RAI1: variants seen among roughly 807,000 people sequenced by gnomAD.
The protein encoded by RAI1 is retinoic acid induced 1.
RAI1 carries 9 observed loss-of-function variants against 123.8 expected under a neutral mutation model. The observed-to-expected ratio is 0.07, with a 90% CI of 0.04 to 0.13. The LOEUF is 0.13. Among genes scored for constraint, RAI1 ranks in the 10% least tolerant of loss-of-function variants. The pLI is 1.00. For synonymous variants in RAI1, 1,231 were observed against 1,127.3 expected, an observed-to-expected ratio of 1.09 and a Z score of -1.84; for missense variants, 2,256 against 2,545.8, an observed-to-expected ratio of 0.89 and a Z score of 2.45.
chr17:17,684,361 T>A (rs1914548653), intron 1 of RAI1: 1 of 152,166 alleles, frequency 6.6e-6, no homozygotes, highest in African/African-American at 2.4e-5. Flanking sequence ...GTATTTGTTT[T>A]TTTTTTAATT....
chr17:17,804,136 A>G (rs1414185990), intron 4 of RAI1: 3 of 481,518 alleles, frequency 6.2e-6, no homozygotes, highest in African/African-American at 5.9e-5. Flanking sequence ...CGGAGCCATC[A>G]TTGCCAAGGG....
In RAI1 at chr17:17,796,831, C is replaced by T. The variant is rs372337877; in HGVS notation, c.3883C>T (p.Pro1295Ser). ...CGAGCCTGCCACAAAGCTCCCACCC[C>T]CGGAGACCCCCGATGCCTGCCTCAA... ...NGEPATKLPP[P>S]ETPDACLKLA... is the part of the protein sequence containing the mutation. The change falls in exon 3 of 6, where the codon CCG (proline) becomes TCG (serine). Residue 1295 changes from proline to serine, a missense_variant. Physicochemically the swap from Pro to Ser is moderately conservative, Grantham distance 74 (BLOSUM62 -1). This residue lies in a region of RAI1 where 322 missense variants were observed against 358.0 expected (regional missense o/e 0.90). Coordinates refer to ENST00000353383, the MANE Select transcript of RAI1 (RefSeq NM_030665.4). This position sits in a 1 kb window ranked among gnomAD's most constrained non-coding sequence, Gnocchi z 5.8. The T allele has an allele frequency of 1.7e-5, 27 of 1,611,296 alleles. No homozygotes were observed. In the Middle Eastern group the frequency reaches 4.9e-4, roughly 29 times the overall value.
At chr17:17,751,614 G>A (rs990159220) in intron 2 of RAI1, among the ~76,000 whole-genome samples, 8 of 152,214 alleles carry the variant, frequency 5.3e-5, no homozygotes, top group African/African-American at 1.9e-4. Context: ...CCCTAGCTAT[G>A]CACCGTGGCC....
intron 1 of RAI1, among the ~76,000 whole-genome samples, chr17:17,719,568 T>C (rs1915813455): frequency 6.6e-6 from 1 of 152,198 alleles, no homozygotes; most frequent in Admixed American, 6.5e-5. Flanking sequence ...TCCTTGGCTT[T>C]ATTTATTTTT....
In RAI1 at chr17:17,712,060, C is replaced by G. The variant is rs547430483; in HGVS notation, c.-148-11968C>G. Among the ~76,000 whole-genome samples, 91 of 152,360 alleles carry G rather than the reference C, an allele frequency of 6.0e-4. 2 individuals carry two copies. The highest frequency in any genetic ancestry group is 3.9e-3 in the South Asian group (19 of 4,818). Reference sequence around the variant, plus strand: ...AACAAAAGGCACAGTGTGGTTTAAACCACACATGTCCGCAGGCAGAGGACC... The same window carrying G: ...AACAAAAGGCACAGTGTGGTTTAAAGCACACATGTCCGCAGGCAGAGGACC... On this transcript the variant is annotated intron_variant, in intron 1 of 5. Coordinates refer to ENST00000353383, the MANE Select transcript of RAI1 (RefSeq NM_030665.4).
At chr17:17,703,153 G>GTTGGACAGCGGCTGTAAGGGGAC (rs1915284151) in intron 1 of RAI1, among the ~76,000 whole-genome samples, 1 of 152,192 alleles carries the variant, frequency 6.6e-6, no homozygotes, top group Non-Finnish European at 1.5e-5. Flanking sequence ...ACCCCCAGGA[G>GTTGGACAGCGGCTGTAAGGGGAC]TTGGACAGCG....
rs1386099531 is a variant in RAI1 at position 17,710,474 on chromosome 17, C to T, written c.-148-13554C>T. On this transcript the variant is annotated intron_variant, in intron 1 of 5. Transcript: ENST00000353383. ...CCACCCCAGAGTACAGGGGGCTGCC[C>T]AGAGACCCTCCTGGCCCTGGGGGCC... Among the ~76,000 whole-genome samples the T allele has an allele frequency of 2.6e-5, 4 of 152,238 alleles. No homozygotes were observed. The East Asian group carries it at 7.7e-4, about 29-fold the overall frequency.
At chr17:17,791,747 A>T (rs1598085398) in intron 2 of RAI1, among the ~76,000 whole-genome samples, 1 of 151,916 alleles carries the variant, frequency 6.6e-6, no homozygotes, top group African/African-American at 2.4e-5. Flanking sequence ...TCTTTCTTCC[A>T]TCCCTCTTTG....
chr17:17,718,989 T>C (rs1915795903), intron 1 of RAI1, among the ~76,000 whole-genome samples: 1 of 152,100 alleles, frequency 6.6e-6, no homozygotes, highest in Non-Finnish European at 1.5e-5. Context: ...TTCTTGCAAG[T>C]TGCTCAGGCA....
chr17:17,703,358 C>T (rs1203766378), intron 1 of RAI1, among the ~76,000 whole-genome samples: 2 of 152,198 alleles, frequency 1.3e-5, no homozygotes, highest in African/African-American at 2.4e-5. Flanking sequence ...GGGAATAGAG[C>T]GTGTGAGGGT....
chr17:17,765,402 C>T (rs1235505019), intron 2 of RAI1, among the ~76,000 whole-genome samples: 1 of 152,228 alleles, frequency 6.6e-6, no homozygotes, highest in Non-Finnish European at 1.5e-5. Context: ...CAGAAACATC[C>T]CCAGCGTGGA....
At position 17,793,734 on chromosome 17, in the gene RAI1, G is replaced by T. The variant is rs139917363; in HGVS notation, c.786G>T (p.Arg262=). ...TASSSLAPGQ[R]VQNLHAYQSG... Reference sequence around the variant, plus strand: ...GCTCCAGCCTGGCCCCGGGGCAGCGGGTCCAGAATCTTCATGCCTACCAGT... The same window carrying T: ...GCTCCAGCCTGGCCCCGGGGCAGCGTGTCCAGAATCTTCATGCCTACCAGT... The change falls in exon 3 of 6, where the codon CGG becomes CGT. Residue 262 remains arginine, a synonymous_variant. Coordinates refer to ENST00000353383, the MANE Select transcript of RAI1 (RefSeq NM_030665.4). 3.7e-6 allele frequency: 6 copies of T among 1,612,758 alleles called. No individual in the cohort carries two copies. The African/African-American group carries it at 6.7e-5, about 18-fold the overall frequency.
intron 2 of RAI1, among the ~76,000 whole-genome samples, chr17:17,769,844 C>T (rs748747818): frequency 6.6e-6 from 1 of 151,840 alleles, no homozygotes; most frequent in South Asian, 2.1e-4. Flanking sequence ...CTCAGGATGG[C>T]TGCAGTGGAG....
chr17:17,776,276 C>G (rs1471789545), intron 2 of RAI1, among the ~76,000 whole-genome samples: 2 of 152,230 alleles, frequency 1.3e-5, no homozygotes, highest in Non-Finnish European at 2.9e-5. Flanking sequence ...GTCACCTTGC[C>G]TAGCCATTCA....
chr17:17,795,674 A>C lies in RAI1; in HGVS notation c.2726A>C (p.Asp909Ala). The change falls in exon 3 of 6, where the codon GAC (aspartate) becomes GCC (alanine). Residue 909 changes from aspartate to alanine, a missense_variant. By Grantham distance (126) the Asp-to-Ala change is moderately radical. Coordinates refer to ENST00000353383, the MANE Select transcript of RAI1 (RefSeq NM_030665.4). The surrounding 1 kb of genome is among the most constrained non-coding windows in gnomAD (Gnocchi z 5.9). The part of the protein sequence containing the change: ...CTKEEVEEVL[D>A]SKAGWGSPCH... ...AAGGAGGAGGTGGAGGAGGTGCTGG[A>C]CTCCAAGGCCGGCTGGGGCTCTCCG... 1 of 1,613,146 alleles carries C rather than the reference A, an allele frequency of 6.2e-7. No individual in the cohort carries two copies. The highest frequency in any genetic ancestry group is 1.1e-5 in the South Asian group (1 of 91,066).
chr17:17,780,094 T>A (rs1450278356), intron 2 of RAI1, among the ~76,000 whole-genome samples: 1 of 34,802 alleles, frequency 2.9e-5, no homozygotes, highest in East Asian at 1.8e-3. Flanking sequence ...AGACAAGAGT[T>A]TTACTCTTGT....
At chr17:17,780,447 C>T (rs1229361371) in intron 2 of RAI1, among the ~76,000 whole-genome samples, 1 of 152,132 alleles carries the variant, frequency 6.6e-6, no homozygotes, top group Non-Finnish European at 1.5e-5. Context: ...ATGTCTTTCA[C>T]CCCTGGGTGC....
At chr17:17,720,895 C>T (rs1204702320) in intron 1 of RAI1, among the ~76,000 whole-genome samples, 1 of 152,172 alleles carries the variant, frequency 6.6e-6, no homozygotes, top group East Asian at 1.9e-4. Flanking sequence ...CGTACCACTG[C>T]CCCAGGAGCT....
Position 17,797,929 on chromosome 17 carries a change from C to T in RAI1, c.4981C>T (p.Arg1661Trp), listed in dbSNP as rs201517835. The T allele has an allele frequency of 1.1e-5, 17 of 1,614,034 alleles. No homozygotes were observed. The highest frequency in any genetic ancestry group is 6.7e-5 in the Admixed American group (4 of 60,024). Residue 1661 changes from arginine to tryptophan, a missense_variant, in exon 3 of 6, where the codon CGG becomes TGG. Arg to Trp is a moderately radical substitution (Grantham distance 101). This residue lies in a region of RAI1 where 410 missense variants were observed against 374.6 expected (regional missense o/e 1.09). Transcript: ENST00000353383. ...CCCTGGAGGCTCCATCCTGCAGCCG[C>T]GGCCCTCCTTGCCCCTCTCCTCCAC... ...TLPGGSILQPRPSLPLSSTMH... is the reference protein window; with the variant it reads ...TLPGGSILQPWPSLPLSSTMH...
Sources: gnomAD v4.1 joint callset for allele counts (sites outside exome capture counted in the v4.1 genomes callset) on GRCh38, gnomAD v4.1.1 for gene constraint, gnomAD v4.1.1 regional missense constraint, Gnocchi (gnomAD v3.1) non-coding constraint, MANE v1.5 for transcripts, NCBI Gene and HGNC (gene_info 2026-07-23, HGNC 2026-07-21) for gene names.